Variants in SFI1 observed in about 807,000 individuals in gnomAD.
SFI1 encodes protein SFI1 homolog.
Under a neutral mutation model 207.5 loss-of-function variants are expected in SFI1, and 195 were observed. The observed-to-expected ratio is 0.94, with a 90% CI of 0.84 to 1.06. SFI1 has a LOEUF of 1.06. SFI1 is among the 50% of genes least tolerant of loss of function. The pLI is 0.00. For synonymous variants in SFI1, 630 were observed against 598.9 expected (o/e 1.05, Z -0.76); for missense variants, 1,634 against 1,588.0 (o/e 1.03, Z -0.49).
At chr22:31,579,025 A>G (rs1482711614) in intron 11 of SFI1, among the ~76,000 whole-genome samples, 2 of 152,158 alleles carry the variant, frequency 1.3e-5, no homozygotes, top group East Asian at 1.9e-4. Flanking sequence ...CGGTCTCACT[A>G]TGTTGTCCAG....
chr22:31,545,948 A>AG (rs2060046774), intron 4 of SFI1, among the ~76,000 whole-genome samples: 1 of 143,176 alleles, frequency 7.0e-6, no homozygotes, highest in Non-Finnish European at 1.5e-5. Context: ...GCTGGAGTAC[A>AG]GTGGTGCAAT....
intron 6 of SFI1, 38 bp downstream of exon 6, chr22:31,550,386 C>A: frequency 6.5e-7 from 1 of 1,534,114 alleles, no homozygotes; most frequent in Non-Finnish European, 9.0e-7. Context: ...AAGATGCCCA[C>A]ATTTACTTTG....
Position 31,580,298 on chromosome 22 carries a change from C to G in SFI1, c.1182C>G (p.Asp394Glu). 6.2e-7 allele frequency: 1 copy of G among 1,613,974 alleles called. No homozygotes were observed. Among genetic ancestry groups the G allele is most frequent in the African/African-American group, 1.3e-5 (1 of 75,028 alleles). ...QLYFCFRALK[D>E]NVTHAHLQQI... is the part of the protein sequence containing the mutation. ...ATTTTTGCTTTAGAGCCCTAAAAGA[C>G]AATGTGACCCACGCTCATCTCCAGC... The change falls in exon 12 of 33, where the codon GAC (aspartate) becomes GAG (glutamate). Residue 394 changes from aspartate (D) to glutamate (E), a missense_variant. Asp to Glu is a conservative substitution (Grantham distance 45). Coordinates refer to ENST00000400288, the MANE Select transcript of SFI1 (RefSeq NM_001007467.3).
At chr22:31,542,461 C>T (rs1360211567) in intron 4 of SFI1, among the ~76,000 whole-genome samples, 1 of 151,650 alleles carries the variant, frequency 6.6e-6, no homozygotes, top group Non-Finnish European at 1.5e-5. Context: ...AACCCCATCT[C>T]TACTAAAAAT....
At chr22:31,606,120 A>G (rs1603336530) in intron 20 of SFI1, 2 of 570,904 alleles carry the variant, frequency 3.5e-6, no homozygotes, top group Non-Finnish European at 6.3e-6. Context: ...TCCCTCATGC[A>G]CTCTTGGTGC....
At chr22:31,527,273 T>C (rs1260454794) in intron 2 of SFI1, among the ~76,000 whole-genome samples, 1 of 152,230 alleles carries the variant, frequency 6.6e-6, no homozygotes, top group East Asian at 1.9e-4. Context: ...ACCTTACTTT[T>C]TATAGTTACC....
intron 2 of SFI1, among the ~76,000 whole-genome samples, chr22:31,510,732 CTG>C (rs2055372030): frequency 6.6e-6 from 1 of 152,212 alleles, no homozygotes; most frequent in African/African-American, 2.4e-5. Flanking sequence ...CTGAGCCCAG[CTG>C]TGTTTCTTCC....
At chr22:31,564,433 A>C (rs1293359918) in intron 8 of SFI1, among the ~76,000 whole-genome samples, 6 of 151,398 alleles carry the variant, frequency 4.0e-5, no homozygotes, top group South Asian at 2.1e-4. Context: ...AAATTAGCAG[A>C]TAGCCAAGTA....
intron 4 of SFI1, among the ~76,000 whole-genome samples, chr22:31,541,567 A>G (rs1441947129): frequency 6.6e-6 from 1 of 151,396 alleles, no homozygotes; most frequent in African/African-American, 2.4e-5. Flanking sequence ...CAGCCTGGCC[A>G]ACATAGTGAA....
rs771814623 is a variant in SFI1, at chr22:31,604,318, C to G, written c.1891C>G (p.Leu631Val). ...TCTCCTCTGTCTGCAGTGCCTGGCC[C>G]TGCGGGGAGCGGAGCGGCAGAAGCT... ...AWSQWRECLA[L>V]RGAERQKLMR... The change falls in exon 19 of 33, where the codon CTG (leucine) becomes GTG (valine). Residue 631 changes from leucine (L) to valine (V), a missense_variant. Transcript: ENST00000400288. 1.9e-6 allele frequency: 3 copies of G among 1,576,298 alleles called. No individual in the cohort carries two copies. In the South Asian group the frequency reaches 3.5e-5, roughly 18 times the overall value.
At chr22:31,597,023 T>C (rs10854608) in intron 15 of SFI1, among the ~76,000 whole-genome samples, 348 of 14,590 alleles carry the variant, frequency 0.024, 56 homozygotes, top group African/African-American at 0.058. Flanking sequence ...TACCCGTTTC[T>C]AAATGGCTTC....
chr22:31,577,053 A>G (rs184903671), intron 10 of SFI1, among the ~76,000 whole-genome samples: 24 of 152,340 alleles, frequency 1.6e-4, no homozygotes, highest in African/African-American at 5.1e-4. Flanking sequence ...CTTGCTTTGT[A>G]TAAACTCCTG....
chr22:31,564,404 T>C (rs1009229393), intron 8 of SFI1, among the ~76,000 whole-genome samples: 8 of 141,404 alleles, frequency 5.7e-5, no homozygotes, highest in African/African-American at 1.8e-4. Flanking sequence ...TAGCATTTTC[T>C]ATACTTGCAA....
intron 10 of SFI1, among the ~76,000 whole-genome samples, chr22:31,576,493 G>A (rs2063521566): frequency 6.7e-6 from 1 of 149,478 alleles, no homozygotes; most frequent in Non-Finnish European, 1.5e-5. Context: ...GCTAATTTTT[G>A]TGCTTTTAGT....
intron 18 of SFI1, 78 bp from the exon 19 acceptor site, chr22:31,604,231 A>G (rs1447960034): frequency 9.1e-7 from 1 of 1,099,758 alleles, no homozygotes; most frequent in Non-Finnish European, 1.3e-6. Context: ...CAGATGATGT[A>G]TAAAATGGAG....
chr22:31,518,242 G>A (rs559055448), intron 2 of SFI1, among the ~76,000 whole-genome samples: 51 of 152,192 alleles, frequency 3.4e-4, no homozygotes, highest in African/African-American at 1.2e-3. Flanking sequence ...TGATCTGCCC[G>A]CCTTGGCCTT....
intron 8 of SFI1, 141 bp from the exon 9 acceptor site, chr22:31,572,914 TATC>T: frequency 1.3e-6 from 1 of 768,654 alleles, no homozygotes; most frequent in East Asian, 2.5e-5. Flanking sequence ...TCCCATAGCT[TATC>T]ATCCTGCTAG....
chr22:31,575,073 A>AC (rs962052499), intron 9 of SFI1, among the ~76,000 whole-genome samples, 158 bp from the exon 10 acceptor site: 1 of 134,300 alleles, frequency 7.4e-6, no homozygotes, highest in African/African-American at 2.7e-5. Context: ...AAAAAAAAAA[A>AC]AAAACTTAGT....
chr22:31,588,863 T>G (rs2065395527), intron 14 of SFI1, among the ~76,000 whole-genome samples: 1 of 151,470 alleles, frequency 6.6e-6, no homozygotes. Flanking sequence ...AAAACCTCTA[T>G]ACATGCATAT....
Sources: allele counts gnomAD v4.1 joint callset (sites outside exome capture counted in the v4.1 genomes callset), GRCh38; gene constraint gnomAD v4.1.1; transcripts MANE v1.5; gene names NCBI Gene and HGNC (gene_info 2026-07-23, HGNC 2026-07-21).